The following CTNS variants were observed in gnomAD, a reference collection of about 807,000 sequenced individuals.
The protein encoded by CTNS is cystinosin, lysosomal cystine transporter.
A neutral mutation model predicts 43.7 loss-of-function variants in CTNS; 27 were observed. The ratio of observed to expected loss-of-function variants is 0.62; its 90% CI spans 0.46 to 0.85. The LOEUF is 0.85. Among genes scored for constraint, CTNS ranks in the 40% least tolerant of loss-of-function variants. CTNS has a pLI of 0.00. For missense variants in CTNS, 457 were observed against 475.4 expected (o/e 0.96, Z 0.36); for synonymous variants, 187 against 190.6 (o/e 0.98, Z 0.16).
Position 3,660,954 on chromosome 17 carries a change from G to C in CTNS, c.*585G>C, listed in dbSNP as rs912463029. 3 of 666,698 alleles carry C rather than the reference G, an allele frequency of 4.5e-6. No individual in the cohort carries two copies. In the African/African-American group the frequency reaches 5.4e-5, roughly 12 times the overall value. The allele number at this position is 666,698 out of a possible 1,614,324, so 41.3% of individuals were successfully genotyped here. On this transcript the variant is annotated 3_prime_UTR_variant, in exon 12 of 12. Transcript: ENST00000046640. ...GCAGTAACAGCCAGCCCTACCCAGAGTATTTCTGAGCCATGAGGGGCCCAC... is the reference window on the plus strand; with the variant it reads ...GCAGTAACAGCCAGCCCTACCCAGACTATTTCTGAGCCATGAGGGGCCCAC...
At chr17:3,653,710 T>C (rs989174657) in intron 5 of CTNS, among the ~76,000 whole-genome samples, 7 of 152,038 alleles carry the variant, frequency 4.6e-5, no homozygotes, top group South Asian at 2.1e-4. Context: ...ACCCCGTCTC[T>C]ACTAAAAATA....
rs772569260 is a variant in CTNS, at chr17:3,647,475, C to G, written c.93C>G (p.Val31=). 6.2e-7 allele frequency: 1 copy of G among 1,614,146 alleles called. No homozygotes were observed. Among genetic ancestry groups the G allele is most frequent in the Non-Finnish European group, 8.5e-7 (1 of 1,180,002 alleles). Residue 31 remains valine, a synonymous_variant, in exon 4 of 12, where the codon GTC becomes GTG. Coordinates refer to ENST00000046640, the MANE Select transcript of CTNS (RefSeq NM_004937.3). ...GCGTCAGCCTCACTGTTCCTCCTGT[C>G]GTAAAGCTGGAGAACGGCAGCTCGA... ...ESSVSLTVPP[V]VKLENGSSTN...
chr17:3,659,086 C>T (rs2076224314), intron 10 of CTNS, among the ~76,000 whole-genome samples: 1 of 152,118 alleles, frequency 6.6e-6, no homozygotes. Flanking sequence ...ACGTTTGGAA[C>T]TGCTGGAGGG....
intron 5 of CTNS, among the ~76,000 whole-genome samples, chr17:3,653,831 G>A (rs901024828): frequency 2.0e-5 from 3 of 151,812 alleles, no homozygotes; most frequent in Non-Finnish European, 4.4e-5. Context: ...AGCTGAGATC[G>A]CGCCATTGCA....
chr17:3,656,963 C>T, intron 9 of CTNS, 168 bp downstream of exon 9: 1 of 1,103,874 alleles, frequency 9.1e-7, no homozygotes, highest in Admixed American at 2.1e-5. Context: ...CCTCAGAGCC[C>T]CCCAAGTCTG....
intron 3 of CTNS, among the ~76,000 whole-genome samples, chr17:3,643,586 A>G (rs2075772773): frequency 1.6e-5 from 2 of 127,302 alleles, no homozygotes. Context: ...TTTTTTTTAA[A>G]CGGATTCTCA....
chr17:3,646,330 G>T (rs527944316), intron 3 of CTNS, among the ~76,000 whole-genome samples: 2 of 135,818 alleles, frequency 1.5e-5, no homozygotes, highest in African/African-American at 5.3e-5. Context: ...TCGCTCTGTT[G>T]CCCAGGCTGG....
intron 10 of CTNS, 128 bp downstream of exon 10, chr17:3,658,303 GGA>G: frequency 7.7e-7 from 1 of 1,290,456 alleles, no homozygotes; most frequent in Non-Finnish European, 1.1e-6. Context: ...AGGGAGCCCG[GGA>G]GCCCAGCGGG....
rs1169051007 is a variant in CTNS at position 3,653,107 on chromosome 17, A to G, written c.226-1891A>G. Among the ~76,000 whole-genome samples the G allele has an allele frequency of 2.0e-5, 3 of 152,190 alleles. 1 individual carries two copies. The highest frequency in any genetic ancestry group is 4.4e-5 in the Non-Finnish European group (3 of 68,034). ...ACCACTGCACTACAGCCTGAGCTAC[A>G]GAGCAAGACCTGCCTCTCGGAAGGC... On this transcript the variant is annotated intron_variant, in intron 5 of 11. Coordinates refer to ENST00000046640, the MANE Select transcript of CTNS (RefSeq NM_004937.3).
In CTNS at chr17:3,662,381, C is replaced by T. The variant is rs138871128; in HGVS notation, c.*2012C>T. ...GCAGTGCTAGGTAGGTCCAGGAGTG[C>T]TAACACCTTCCCAGAGGTGGTACGC... On this transcript the variant is annotated 3_prime_UTR_variant, in exon 12 of 12. Transcript: ENST00000046640. Among the ~76,000 whole-genome samples, 961 of 152,210 alleles carry T rather than the reference C, an allele frequency of 6.3e-3. 16 individuals are homozygous for T. Among genetic ancestry groups the T allele is most frequent in the African/African-American group, 0.022 (924 of 41,512 alleles).
At chr17:3,648,376 C>T (rs1375793414) in intron 4 of CTNS, among the ~76,000 whole-genome samples, 2 of 152,240 alleles carry the variant, frequency 1.3e-5, no homozygotes, top group Admixed American at 1.3e-4. Context: ...AGGGCCAGGG[C>T]CCAGAAGACG....
rs2075840935 is a variant in CTNS at position 3,646,265 on chromosome 17, A to T, written c.62-1179A>T. Among the ~76,000 whole-genome samples, 4 of 150,552 alleles carry T rather than the reference A, an allele frequency of 2.7e-5. No homozygotes were observed. The South Asian group carries it at 8.4e-4, about 32-fold the overall frequency. On this transcript the variant is annotated intron_variant, in intron 3 of 11. Coordinates refer to ENST00000046640, the MANE Select transcript of CTNS (RefSeq NM_004937.3). ...CTTACTCAGTCCGGTGCTCTGGGCT[A>T]GTTGGCCTTGCAAGAGGGTTTTCTT...
At chr17:3,642,006 C>A (rs939304123) in intron 3 of CTNS, among the ~76,000 whole-genome samples, 10 of 150,890 alleles carry the variant, frequency 6.6e-5, no homozygotes, top group Non-Finnish European at 1.3e-4. Context: ...TGTGCGTGTG[C>A]CTGGGAGTGT....
chr17:3,654,277 T>G (rs1171720175), intron 5 of CTNS, among the ~76,000 whole-genome samples: 3 of 152,146 alleles, frequency 2.0e-5, no homozygotes, highest in Non-Finnish European at 4.4e-5. Context: ...CTTGAATAAC[T>G]TGCCCAAGGT....
chr17:3,644,281 G>A (rs891735338), intron 3 of CTNS, among the ~76,000 whole-genome samples: 8 of 152,072 alleles, frequency 5.3e-5, no homozygotes, highest in Non-Finnish European at 1.0e-4. Context: ...GCTCAGAGAG[G>A]GTAAGTACCT....
At chr17:3,659,303 C>A (rs987952791) in intron 10 of CTNS, among the ~76,000 whole-genome samples, 3 of 152,186 alleles carry the variant, frequency 2.0e-5, no homozygotes, top group Non-Finnish European at 4.4e-5. Flanking sequence ...CCCGCCCCCC[C>A]AACCAGACCC....
intron 5 of CTNS, among the ~76,000 whole-genome samples, chr17:3,654,549 C>G (rs1001804508): frequency 2.0e-5 from 3 of 151,894 alleles, no homozygotes; most frequent in Non-Finnish European, 4.4e-5. Flanking sequence ...TGGCGCACAC[C>G]TGTAATCCCA....
chr17:3,643,862 C>T (rs1021424193), intron 3 of CTNS, among the ~76,000 whole-genome samples: 33 of 152,092 alleles, frequency 2.2e-4, no homozygotes, highest in East Asian at 3.9e-4. Flanking sequence ...CCACCGCACC[C>T]GGCCAAAAAT....
intron 5 of CTNS, among the ~76,000 whole-genome samples, chr17:3,654,074 TGGTTTTGTGGACAA>T (rs1458173379): frequency 6.6e-6 from 1 of 152,064 alleles, no homozygotes; most frequent in Non-Finnish European, 1.5e-5. Context: ...AGGGCACACA[TGGTTTTGTGGACAA>T]GGAGGAGCCC....
Sources: allele counts gnomAD v4.1 joint callset (sites outside exome capture counted in the v4.1 genomes callset), GRCh38; gene constraint gnomAD v4.1.1; transcripts MANE v1.5; gene names NCBI Gene and HGNC (gene_info 2026-07-23, HGNC 2026-07-21).